The following FMN1 variants were observed in gnomAD, a reference collection of about 807,000 sequenced individuals.
FMN1 encodes formin 1.
Under a neutral mutation model 132.4 loss-of-function variants are expected in FMN1, and 110 were observed. That is an observed-to-expected ratio of 0.83 (90% CI 0.71 to 0.97). The LOEUF is 0.97. Ranked by LOEUF, FMN1 falls within the 50% of genes least tolerant of loss-of-function variation. The pLI is 0.00. For missense variants in FMN1, 1,792 were observed against 1,705.3 expected (o/e 1.05, Z -0.90); for synonymous variants, 722 against 651.7 (o/e 1.11, Z -1.64).
chr15:33,016,893 C>A (rs1486225487), intron 6 of FMN1, among the ~76,000 whole-genome samples: 1 of 152,176 alleles, frequency 6.6e-6, no homozygotes, highest in East Asian at 1.9e-4. Flanking sequence ...GCCATAAAAA[C>A]CCCAAGCCAG....
At chr15:32,823,379 A>T (rs137919035) in intron 17 of FMN1, among the ~76,000 whole-genome samples, 2,423 of 151,844 alleles carry the variant, frequency 0.016, 33 homozygotes, top group Middle Eastern at 0.027. Flanking sequence ...TTAGCCAGGA[A>T]GGTCTCGATC....
intron 4 of FMN1, among the ~76,000 whole-genome samples, chr15:33,134,827 C>T (rs1213934367): frequency 6.6e-6 from 1 of 152,290 alleles, no homozygotes; most frequent in South Asian, 2.1e-4. Context: ...CATGGCAAAA[C>T]CCCATCTCTA....
intron 17 of FMN1, among the ~76,000 whole-genome samples, chr15:32,834,710 G>GA (rs1346674326): frequency 6.6e-6 from 1 of 152,204 alleles, no homozygotes; most frequent in Non-Finnish European, 1.5e-5. Context: ...CAAGAAGTGA[G>GA]AAAATAAAGG....
chr15:33,029,082 A>ACC (rs1159827772), intron 6 of FMN1, among the ~76,000 whole-genome samples: 1 of 152,098 alleles, frequency 6.6e-6, no homozygotes. Context: ...ACACTTAAAT[A>ACC]ATACCATAAA....
Position 32,767,125 on chromosome 15 carries a change from A to C in FMN1, c.*7185T>G, listed in dbSNP as rs530646868. 6.6e-6 allele frequency: 1 copy of C among 152,224 alleles called. No homozygotes were observed. The highest frequency in any genetic ancestry group is 3.2e-3 in the Middle Eastern group (1 of 316). 9.4% of individuals were successfully genotyped at this position (152,224 alleles called of 1,614,324 possible). A position where few individuals can be genotyped will look rare whatever the true frequency, so the allele number is the denominator to read the frequency against. On this transcript the variant is annotated 3_prime_UTR_variant, in exon 21 of 21. Coordinates refer to ENST00000616417, the MANE Select transcript of FMN1 (RefSeq NM_001277313.2). ...CCACGGAAAAGCTGTCCACGATACG[A>C]CCATGGCAAAAAATCACCAGCTCCC...
chr15:33,005,014 G>C (rs2034336594), intron 7 of FMN1, among the ~76,000 whole-genome samples: 1 of 152,106 alleles, frequency 6.6e-6, no homozygotes, highest in African/African-American at 2.4e-5. Flanking sequence ...ACAGGAACGG[G>C]AACATCACAC....
At chr15:33,145,519 A>G (rs2061077) in intron 4 of FMN1, among the ~76,000 whole-genome samples, 2,776 of 151,518 alleles carry the variant, frequency 0.018, 84 homozygotes, top group African/African-American at 0.065. Context: ...CTCTCTCCCT[A>G]TCTCCAGGCA....
At chr15:33,049,211 A>G (rs1043326240) in intron 6 of FMN1, among the ~76,000 whole-genome samples, 8 of 152,106 alleles carry the variant, frequency 5.3e-5, no homozygotes, top group African/African-American at 1.9e-4. Flanking sequence ...CTAACCAGAA[A>G]GGGGGAATTT....
In FMN1 at chr15:33,092,055, C is replaced by T. The variant is rs113434582; in HGVS notation, c.1868-3081G>A. On this transcript the variant is annotated intron_variant, in intron 4 of 20. Coordinates refer to ENST00000616417, the MANE Select transcript of FMN1 (RefSeq NM_001277313.2). ...TCAACAGTTTGATCGATCACACATA[C>T]ACACACAGGTTATCTGTACAGCTGA... is the stretch of plus-strand genomic sequence containing the variant. Among the ~76,000 whole-genome samples the T allele has an allele frequency of 7.6e-4, 116 of 152,282 alleles. 2 individuals are homozygous for T. Among genetic ancestry groups the T allele is most frequent in the South Asian group, 1.5e-3 (7 of 4,818 alleles).
At chr15:32,996,973 A>G (rs2033808714) in intron 7 of FMN1, among the ~76,000 whole-genome samples, 1 of 152,214 alleles carries the variant, frequency 6.6e-6, no homozygotes, top group Non-Finnish European at 1.5e-5. Flanking sequence ...TCAAATTACA[A>G]AAATCGTAAC....
chr15:33,112,743 A>G (rs537767808), intron 4 of FMN1, among the ~76,000 whole-genome samples: 2 of 152,284 alleles, frequency 1.3e-5, no homozygotes. Flanking sequence ...GAATTTTAGG[A>G]TATTTTCCCT....
intron 17 of FMN1, among the ~76,000 whole-genome samples, chr15:32,835,320 C>G (rs768487450): frequency 3.3e-5 from 5 of 152,140 alleles, no homozygotes; most frequent in Non-Finnish European, 5.9e-5. Flanking sequence ...AATCGTGGCT[C>G]TAAAAAAATA....
At chr15:33,124,853 T>A (rs1043613874) in intron 4 of FMN1, among the ~76,000 whole-genome samples, 13 of 152,206 alleles carry the variant, frequency 8.5e-5, no homozygotes, top group Middle Eastern at 3.4e-3. Flanking sequence ...TCTGCATTTT[T>A]TTTTTTAATT....
chr15:32,766,991 A>G lies in FMN1; in HGVS notation c.*7319T>C, dbSNP rs2056070558. 2.0e-5 allele frequency: 3 copies of G among 152,348 alleles called. No individual in the cohort carries two copies. In the South Asian group the frequency reaches 6.2e-4, roughly 32 times the overall value. 9.4% of individuals were successfully genotyped at this position (152,348 alleles called of 1,614,324 possible). On this transcript the variant is annotated 3_prime_UTR_variant, in exon 21 of 21. Coordinates refer to ENST00000616417, the MANE Select transcript of FMN1 (RefSeq NM_001277313.2). ...GATCTGAAATTGTTGGAGCTGTTAAACCAAGCACAGACCAGTTTCACTGGG... is the reference window on the plus strand; with the variant it reads ...GATCTGAAATTGTTGGAGCTGTTAAGCCAAGCACAGACCAGTTTCACTGGG...
intron 7 of FMN1, among the ~76,000 whole-genome samples, chr15:33,002,578 T>A (rs945941014): frequency 6.6e-6 from 1 of 152,168 alleles, no homozygotes; most frequent in Non-Finnish European, 1.5e-5. Flanking sequence ...GCAGGTAAAG[T>A]GGCCCAGAGA....
At chr15:33,193,357 G>T (rs935983573) in intron 2 of FMN1, among the ~76,000 whole-genome samples, 4 of 152,152 alleles carry the variant, frequency 2.6e-5, no homozygotes, top group Admixed American at 1.3e-4. Context: ...TCCCATTGGT[G>T]TGCCTATAAG....
chr15:33,005,816 G>A (rs997891589), intron 7 of FMN1, among the ~76,000 whole-genome samples: 4 of 152,100 alleles, frequency 2.6e-5, no homozygotes, highest in African/African-American at 9.7e-5. Flanking sequence ...GTTCCTCTGA[G>A]GCAGCTGACA....
intron 6 of FMN1, among the ~76,000 whole-genome samples, chr15:33,048,651 C>CAAAAAAA (rs1338668794): frequency 7.5e-5 from 9 of 120,120 alleles, no homozygotes; most frequent in Non-Finnish European, 1.1e-4. Flanking sequence ...AAAAAAAAAC[C>CAAAAAAA]AACAGTTTAA....
chr15:33,089,855 T>A (rs1050178954), intron 4 of FMN1, among the ~76,000 whole-genome samples: 1 of 152,224 alleles, frequency 6.6e-6, no homozygotes, highest in Non-Finnish European at 1.5e-5. Context: ...AAAAGGATTT[T>A]ACGGTCAAGT....
Sources: gnomAD v4.1 joint callset for allele counts (sites outside exome capture counted in the v4.1 genomes callset) on GRCh38, gnomAD v4.1.1 for gene constraint, MANE v1.5 for transcripts, NCBI Gene and HGNC (gene_info 2026-07-23, HGNC 2026-07-21) for gene names.